Variants in HHAT observed in about 807,000 individuals in gnomAD.
The protein encoded by HHAT is hedgehog acyltransferase, also known as protein-cysteine N-palmitoyltransferase HHAT.
In HHAT, 47 loss-of-function variants were observed where a neutral mutation model predicts 70.8. The ratio of observed to expected loss-of-function variants is 0.66; its 90% CI spans 0.53 to 0.85. The LOEUF (loss-of-function observed/expected upper bound fraction) is 0.85. Among genes scored for constraint, HHAT ranks in the 40% least tolerant of loss-of-function variants. HHAT has a pLI of 0.00. For missense variants in HHAT, 609 were observed against 604.8 expected (o/e 1.01, Z -0.07); for synonymous variants, 228 against 247.6 (o/e 0.92, Z 0.74).
chr1:210,428,691 C>T (rs184080254), intron 7 of HHAT, among the ~76,000 whole-genome samples: 26 of 151,770 alleles, frequency 1.7e-4, no homozygotes, highest in South Asian at 6.2e-4. Context: ...CAAAAACCTT[C>T]GTGGGCCAGG....
chr1:210,641,621 C>T (rs1419984002), intron 11 of HHAT, among the ~76,000 whole-genome samples: 1 of 152,208 alleles, frequency 6.6e-6, no homozygotes, highest in Non-Finnish European at 1.5e-5. Flanking sequence ...CATTAGAGAA[C>T]AATTCAAGCA....
At chr1:210,403,292 C>T (rs1482555769) in intron 5 of HHAT, among the ~76,000 whole-genome samples, 1 of 152,276 alleles carries the variant, frequency 6.6e-6, no homozygotes, top group East Asian at 1.9e-4. Context: ...AACAGATTTA[C>T]AGTAAAAATA....
chr1:210,437,871 T>G (rs145445314), intron 7 of HHAT, among the ~76,000 whole-genome samples: 25 of 152,032 alleles, frequency 1.6e-4, no homozygotes, highest in African/African-American at 5.8e-4. Flanking sequence ...AGTTTTAGAT[T>G]CTTACAGACA....
intron 3 of HHAT, among the ~76,000 whole-genome samples, chr1:210,384,235 A>G (rs192028878): frequency 6.6e-6 from 1 of 152,328 alleles, no homozygotes; most frequent in Non-Finnish European, 1.5e-5. Context: ...ACATTTGTTA[A>G]CTTGTTCAGT....
chr1:210,595,212 G>A (rs555304994), intron 10 of HHAT, among the ~76,000 whole-genome samples: 12 of 152,114 alleles, frequency 7.9e-5, no homozygotes, highest in African/African-American at 2.7e-4. Context: ...GAGAACAAGC[G>A]GTGTGTGGTT....
chr1:210,608,315 T>G (rs1009841676), intron 10 of HHAT, among the ~76,000 whole-genome samples: 2 of 152,228 alleles, frequency 1.3e-5, no homozygotes, highest in African/African-American at 4.8e-5. Flanking sequence ...AAAATTGTAT[T>G]ATTGAATACT....
chr1:210,434,882 T>C (rs1043922521), intron 7 of HHAT, among the ~76,000 whole-genome samples: 1 of 151,928 alleles, frequency 6.6e-6, no homozygotes, highest in African/African-American at 2.4e-5. Context: ...AACTGATATA[T>C]GATGTACATA....
intron 9 of HHAT, among the ~76,000 whole-genome samples, chr1:210,527,315 A>G (rs144827663): frequency 8.7e-4 from 132 of 152,180 alleles, no homozygotes; most frequent in Middle Eastern, 6.8e-3. Flanking sequence ...CCCATGGCTG[A>G]TTGCCTGGGT....
intron 7 of HHAT, among the ~76,000 whole-genome samples, chr1:210,461,039 C>T (rs2093968918): frequency 6.6e-6 from 1 of 152,154 alleles, no homozygotes; most frequent in African/African-American, 2.4e-5. Context: ...AAATCTTATA[C>T]ATACAAACCC....
At chr1:210,565,579 C>G (rs528439905) in intron 9 of HHAT, among the ~76,000 whole-genome samples, 1 of 152,140 alleles carries the variant, frequency 6.6e-6, no homozygotes, top group South Asian at 2.1e-4. Context: ...AAGGAAGTAT[C>G]TAAAAAAACA....
chr1:210,659,373 T>C (rs900977098), intron 11 of HHAT, among the ~76,000 whole-genome samples: 1 of 152,186 alleles, frequency 6.6e-6, no homozygotes, highest in Non-Finnish European at 1.5e-5. Context: ...CTCCCAAGAC[T>C]AAACCAGGAA....
intron 11 of HHAT, among the ~76,000 whole-genome samples, chr1:210,648,423 T>C (rs893526035): frequency 2.6e-5 from 4 of 152,190 alleles, no homozygotes; most frequent in Non-Finnish European, 5.9e-5. Flanking sequence ...GCATTTATTG[T>C]TGAGGTCCTT....
At chr1:210,455,751 A>C (rs1007948306) in intron 7 of HHAT, among the ~76,000 whole-genome samples, 2 of 152,186 alleles carry the variant, frequency 1.3e-5, no homozygotes, top group Non-Finnish European at 2.9e-5. Context: ...GAAATAAAAT[A>C]TTACAACATA....
chr1:210,503,877 A>G (rs1211574301), intron 8 of HHAT, among the ~76,000 whole-genome samples: 1 of 152,206 alleles, frequency 6.6e-6, no homozygotes, highest in African/African-American at 2.4e-5. Flanking sequence ...AAAAAAATTA[A>G]CTCAAAGTAG....
chr1:210,405,016 T>A (rs2092270400), intron 6 of HHAT, among the ~76,000 whole-genome samples: 1 of 152,152 alleles, frequency 6.6e-6, no homozygotes, highest in South Asian at 2.1e-4. Context: ...AAAATTTGAT[T>A]ATGATGCTAT....
At chr1:210,578,721 C>T (rs1267195214) in intron 9 of HHAT, among the ~76,000 whole-genome samples, 3 of 152,086 alleles carry the variant, frequency 2.0e-5, no homozygotes, top group South Asian at 2.1e-4. Context: ...AAGCCTGTAA[C>T]AGAAGGACAA....
chr1:210,574,003 T>C (rs1657018843), intron 9 of HHAT, among the ~76,000 whole-genome samples: 1 of 152,202 alleles, frequency 6.6e-6, no homozygotes, highest in Admixed American at 6.5e-5. Flanking sequence ...GAGTCTAAAT[T>C]AGACTCTGGT....
At chr1:210,471,433 T>C (rs907210609) in intron 8 of HHAT, among the ~76,000 whole-genome samples, 10 of 151,432 alleles carry the variant, frequency 6.6e-5, no homozygotes, top group African/African-American at 2.4e-4. Flanking sequence ...AAGTTACAAA[T>C]GTAAAGGAAG....
At chr1:210,393,667 C>G (rs1048386190) in intron 4 of HHAT, among the ~76,000 whole-genome samples, 1 of 152,166 alleles carries the variant, frequency 6.6e-6, no homozygotes, top group Non-Finnish European at 1.5e-5. Flanking sequence ...GACTAGGCTT[C>G]TTCTCTGCAG....
Sources: gnomAD v4.1 joint callset for allele counts (sites outside exome capture counted in the v4.1 genomes callset) on GRCh38, gnomAD v4.1.1 for gene constraint, MANE v1.5 for transcripts, NCBI Gene and HGNC (gene_info 2026-07-23, HGNC 2026-07-21) for gene names.